Variants in RIMKLA observed in about 807,000 individuals in gnomAD.
The protein encoded by RIMKLA is ribosomal modification protein rimK like family member A, also known as N-acetylaspartylglutamate synthase A.
A neutral mutation model predicts 32.7 loss-of-function variants in RIMKLA; 14 were observed. That is an observed-to-expected ratio of 0.43 (90% CI 0.28 to 0.67). The LOEUF (loss-of-function observed/expected upper bound fraction) is 0.67. RIMKLA is among the 30% of genes least tolerant of loss of function. RIMKLA has a pLI of 0.18. For missense variants in RIMKLA, 410 were observed against 519.0 expected, an observed-to-expected ratio of 0.79 and a Z score of 2.04; for synonymous variants, 176 against 204.1, an observed-to-expected ratio of 0.86 and a Z score of 1.18.
At position 42,422,007 on chromosome 1, in the gene RIMKLA, T is replaced by C. The variant is rs897042080; in HGVS notation, c.*7033T>C. The C allele has an allele frequency of 3.3e-5, 5 of 151,878 alleles. No individual in the cohort carries two copies. Among genetic ancestry groups the C allele is most frequent in the African/African-American group, 1.2e-4 (5 of 41,292 alleles). The allele number at this position is 151,878 out of a possible 1,614,324, so 9.4% of individuals were successfully genotyped here. A position where few individuals can be genotyped will look rare whatever the true frequency, so the allele number is the denominator to read the frequency against. On this transcript the variant is annotated 3_prime_UTR_variant, in exon 5 of 5. Coordinates refer to ENST00000431473, the MANE Select transcript of RIMKLA (RefSeq NM_173642.4). ...GCTGGGGAATCGGCCCTATTGAGAG[T>C]ATTTACACCACAGAGATTGGCAAAC...
chr1:42,414,936 A>AT lies in RIMKLA; in HGVS notation c.1140dup (p.Asn381Ter), dbSNP rs776422681. The AT allele has an allele frequency of 1.2e-6, 2 of 1,613,454 alleles. No individual in the cohort carries two copies. The highest frequency in any genetic ancestry group is 1.7e-6 in the Non-Finnish European group (2 of 1,179,824). On this transcript the variant is annotated frameshift_variant, in exon 5 of 5. Transcript: ENST00000431473. LOFTEE classifies it high-confidence loss of function. The stretch of plus-strand genomic sequence containing the variant: ...CATGCTGCCCGAACCTGGCTACAAC[A>AT]TTAACAACAGGATTGCTTCTGAGTT...
chr1:42,399,520 C>T lies in RIMKLA; in HGVS notation c.280C>T (p.Leu94=), dbSNP rs1235239038. The T allele has an allele frequency of 6.2e-7, 1 of 1,613,526 alleles. No individual in the cohort carries two copies. The highest frequency in any genetic ancestry group is 2.2e-5 in the East Asian group (1 of 44,868). ...CACTGTCCTGCGACACCTGGAGAAG[C>T]TGGGCTGCCGGTTGGTCAATCGCCC... The part of the protein sequence containing the change: ...DITVLRHLEK[L]GCRLVNRPQS... Residue 94 remains leucine, a synonymous_variant, in exon 2 of 5, where the codon CTG becomes TTG. Coordinates refer to ENST00000431473, the MANE Select transcript of RIMKLA (RefSeq NM_173642.4).
chr1:42,395,360 GT>G (rs71962302), intron 1 of RIMKLA, among the ~76,000 whole-genome samples: 27,065 of 138,622 alleles, frequency 0.2, 2,524 homozygotes, highest in East Asian at 0.24. Flanking sequence ...GGTTGTTTTA[GT>G]TTTTTTTTTT....
chr1:42,394,701 G>A (rs747303819), intron 1 of RIMKLA, among the ~76,000 whole-genome samples: 12 of 151,730 alleles, frequency 7.9e-5, no homozygotes, highest in South Asian at 4.2e-4. Flanking sequence ...GTATTTCTTC[G>A]CTATTGCACA....
Position 42,416,087 on chromosome 1 carries a change from C to CGGTGG in RIMKLA, c.*1115_*1116insTGGGG, listed in dbSNP as rs796692306. 3.1e-5 allele frequency: 3 copies of CGGTGG among 95,694 alleles called. 1 individual carries two copies. The highest frequency in any genetic ancestry group is 4.9e-5 in the Non-Finnish European group (2 of 40,582). The allele number at this position is 95,694 out of a possible 1,614,324, so 5.9% of individuals were successfully genotyped here. On this transcript the variant is annotated 3_prime_UTR_variant, in exon 5 of 5. Transcript: ENST00000431473. ...CAGGAATTACCCATTGCACATTTTGCGGGGGGGGGGGCTAATGTAGACATG... is the reference window on the plus strand; with the variant it reads ...CAGGAATTACCCATTGCACATTTTGCGGTGGGGGGGGGGGGGCTAATGTAGACATG...
intron 4 of RIMKLA, among the ~76,000 whole-genome samples, chr1:42,413,017 C>T (rs1283664352): frequency 6.6e-6 from 1 of 152,100 alleles, no homozygotes; most frequent in Non-Finnish European, 1.5e-5. Flanking sequence ...GCCTGTAGTC[C>T]TAGCTACTTG....
intron 1 of RIMKLA, among the ~76,000 whole-genome samples, chr1:42,390,318 G>C (rs1054828449): frequency 1.3e-5 from 2 of 152,166 alleles, no homozygotes; most frequent in African/African-American, 2.4e-5. Flanking sequence ...GATTACAGGC[G>C]TGAGCCACCG....
chr1:42,404,772 C>A (rs963340393), intron 3 of RIMKLA, among the ~76,000 whole-genome samples, 175 bp downstream of exon 3: 2 of 152,226 alleles, frequency 1.3e-5, no homozygotes, highest in African/African-American at 4.8e-5. Context: ...ATGCTCACCT[C>A]TTCCCTGAAC....
chr1:42,383,210 G>A (rs564639006), intron 1 of RIMKLA, among the ~76,000 whole-genome samples: 1 of 152,224 alleles, frequency 6.6e-6, no homozygotes, highest in Admixed American at 6.5e-5. Context: ...ACAGGAAAAT[G>A]TACACAGCTA....
chr1:42,384,634 G>GTATATA (rs34388220), intron 1 of RIMKLA, among the ~76,000 whole-genome samples: 10 of 147,240 alleles, frequency 6.8e-5, no homozygotes, highest in Admixed American at 1.4e-4. Flanking sequence ...ATGTGTGTGT[G>GTATATA]TATATATATA....
In RIMKLA at chr1:42,415,092, C is replaced by A; in HGVS notation, c.*118C>A. ...ACAGAAACTAGAAATCCCATCTGGGCACTCAGCATTTTTTCTAACGATGAT... is the reference window on the plus strand; with the variant it reads ...ACAGAAACTAGAAATCCCATCTGGGAACTCAGCATTTTTTCTAACGATGAT... On this transcript the variant is annotated 3_prime_UTR_variant, in exon 5 of 5. Transcript: ENST00000431473. 1 of 1,143,366 alleles carries A rather than the reference C, an allele frequency of 8.7e-7. No homozygotes were observed. The highest frequency in any genetic ancestry group is 1.2e-6 in the Non-Finnish European group (1 of 813,494). The allele number at this position is 1,143,366 out of a possible 1,614,324, so 70.8% of individuals were successfully genotyped here.
Position 42,414,697 on chromosome 1 carries a change from T to C in RIMKLA, c.899T>C (p.Met300Thr), listed in dbSNP as rs1168234368. 1.9e-6 allele frequency: 3 copies of C among 1,614,192 alleles called. No individual in the cohort carries two copies. Among genetic ancestry groups the C allele is most frequent in the Non-Finnish European group, 2.5e-6 (3 of 1,180,018 alleles). The change falls in exon 5 of 5, where the codon ATG becomes ACG. Residue 300 changes from methionine (M) to threonine (T), a missense_variant. Met to Thr is a moderately conservative substitution (Grantham distance 81). Coordinates refer to ENST00000431473, the MANE Select transcript of RIMKLA (RefSeq NM_173642.4). ...DVGGIIADYT[M>T]SLLPNRQTGK... ...GGTGGGATCATTGCAGACTATACCATGTCCTTGCTGCCAAATAGGCAGACT... is the reference window on the plus strand; with the variant it reads ...GGTGGGATCATTGCAGACTATACCACGTCCTTGCTGCCAAATAGGCAGACT...
intron 1 of RIMKLA, among the ~76,000 whole-genome samples, chr1:42,393,197 A>T: frequency 9.4e-6 from 1 of 106,040 alleles, no homozygotes; most frequent in South Asian, 2.5e-4. Flanking sequence ...ATCCAGAGAG[A>T]CTACTTGCAC....
chr1:42,381,627 G>A (rs1229133114), intron 1 of RIMKLA, among the ~76,000 whole-genome samples: 2 of 152,174 alleles, frequency 1.3e-5, no homozygotes, highest in Non-Finnish European at 2.9e-5. Context: ...GTCACTTCTC[G>A]AGTGTAAAGT....
At chr1:42,396,544 G>A (rs918603309) in intron 1 of RIMKLA, 2 of 152,220 alleles carry the variant, frequency 1.3e-5, no homozygotes, top group Non-Finnish European at 2.9e-5. Context: ...TTGAGGCTGA[G>A]TTGTCTCTGT....
chr1:42,383,570 G>C (rs1642909567), intron 1 of RIMKLA, among the ~76,000 whole-genome samples: 1 of 152,058 alleles, frequency 6.6e-6, no homozygotes, highest in African/African-American at 2.4e-5. Flanking sequence ...CCGAGCCAAA[G>C]TATTTCTCGA....
chr1:42,398,287 T>A (rs1337771214), intron 1 of RIMKLA, among the ~76,000 whole-genome samples: 1 of 152,232 alleles, frequency 6.6e-6, no homozygotes. Context: ...CCTCTGAGTC[T>A]TCACTTCAAG....
intron 2 of RIMKLA, among the ~76,000 whole-genome samples, chr1:42,400,828 A>T (rs147225908): frequency 2.0e-5 from 3 of 152,270 alleles, no homozygotes; most frequent in Non-Finnish European, 2.9e-5. Context: ...GGAAACCTTC[A>T]TTATGTGAGG....
At chr1:42,381,195 C>T (rs1228227993) in intron 1 of RIMKLA, 98 bp downstream of exon 1, 4 of 945,228 alleles carry the variant, frequency 4.2e-6, no homozygotes, top group Non-Finnish European at 5.5e-6. Flanking sequence ...AGCAGAGTCT[C>T]CTTCGGGCCC....
Sources: gnomAD v4.1 joint callset for allele counts (sites outside exome capture counted in the v4.1 genomes callset) on GRCh38, gnomAD v4.1.1 for gene constraint, MANE v1.5 for transcripts, NCBI Gene and HGNC (gene_info 2026-07-23, HGNC 2026-07-21) for gene names.